The following MYL3 variants were observed in gnomAD, a reference collection of about 807,000 sequenced individuals.
The protein encoded by MYL3 is CMLC1.
In MYL3, 11 loss-of-function variants were observed where a neutral mutation model predicts 21.3. The observed-to-expected ratio is 0.52, with a 90% CI of 0.32 to 0.85. The LOEUF is 0.85. MYL3 is among the 40% of genes least tolerant of loss of function. The pLI, the probability that MYL3 is intolerant of heterozygous loss-of-function variation, is 0.03. For missense variants in MYL3, 206 were observed against 253.3 expected (o/e 0.81, Z 1.27); for synonymous variants, 88 against 91.6 (o/e 0.96, Z 0.22).
Position 46,863,401 on chromosome 3 carries a change from A to C in MYL3, c.-11T>G. The stretch of plus-strand genomic sequence containing the variant: ...CTTTTTGGGGGCCATTGGGGGCTGT[A>C]AGTACAGAGAGGGATGTGGAGAGAA... On this transcript the variant is annotated 5_prime_UTR_variant, in exon 1 of 7. Transcript: ENST00000292327. 6.2e-7 allele frequency: 1 copy of C among 1,612,752 alleles called. No homozygotes were observed. Among genetic ancestry groups the C allele is most frequent in the Non-Finnish European group, 8.5e-7 (1 of 1,179,850 alleles).
At chr3:46,858,578 A>G (rs1021756212) in intron 4 of MYL3, 117 bp from the exon 5 acceptor site, 1 of 980,086 alleles carries the variant, frequency 1.0e-6, no homozygotes, top group African/African-American at 1.6e-5. Context: ...CACAACCAGC[A>G]CTGTTCACAA....
intron 1 of MYL3, among the ~76,000 whole-genome samples, chr3:46,872,201 G>A (rs1338212092): frequency 1.3e-5 from 2 of 152,298 alleles, no homozygotes; most frequent in East Asian, 1.9e-4. Flanking sequence ...GCAGAGGGCT[G>A]GAGCTTGAAG....
Position 46,863,414 on chromosome 3 carries a change from G to A in MYL3, c.-24C>T. ...ATTGGGGGCTGTAAGTACAGAGAGG[G>A]ATGTGGAGAGAAGAATGCAGAAAGC... is the stretch of plus-strand genomic sequence containing the variant. On this transcript the variant is annotated 5_prime_UTR_variant, in exon 1 of 7. Coordinates refer to ENST00000292327, the MANE Select transcript of MYL3 (RefSeq NM_000258.3). 2 of 1,612,342 alleles carry A rather than the reference G, an allele frequency of 1.2e-6. No individual in the cohort carries two copies. The highest frequency in any genetic ancestry group is 1.1e-5 in the South Asian group (1 of 91,064).
upstream of MYL3, chr3:46,863,451 G>A: frequency 6.3e-7 from 1 of 1,590,282 alleles, no homozygotes; most frequent in Non-Finnish European, 8.6e-7. Context: ...GGGTAGGTGA[G>A]CCGCCTCACC....
At chr3:46,878,796 G>A (rs2030384503) in intron 1 of MYL3, among the ~76,000 whole-genome samples, 2 of 152,166 alleles carry the variant, frequency 1.3e-5, no homozygotes, top group African/African-American at 4.8e-5. Context: ...ACCAGCAGGG[G>A]TGGGGCCAGA....
At chr3:46,872,059 C>T (rs545584409) in intron 1 of MYL3, among the ~76,000 whole-genome samples, 27 of 152,252 alleles carry the variant, frequency 1.8e-4, no homozygotes, top group African/African-American at 5.3e-4. Flanking sequence ...CACAGTGGGG[C>T]GAGAGTTCCC....
chr3:46,871,243 C>A (rs974973163), intron 1 of MYL3, among the ~76,000 whole-genome samples: 3 of 152,022 alleles, frequency 2.0e-5, no homozygotes, highest in Admixed American at 2.0e-4. Context: ...CTGCCTGGCA[C>A]GGTAGTGTCC....
At chr3:46,865,475 C>A (rs978463427), upstream of MYL3, among the ~76,000 whole-genome samples, 1 of 152,134 alleles carries the variant, frequency 6.6e-6, no homozygotes, top group African/African-American at 2.4e-5. This position sits in a 1 kb window ranked among gnomAD's most constrained non-coding sequence, Gnocchi z 4.3. Context: ...GGAAGTCACA[C>A]GGGAGCCCCA....
chr3:46,876,008 C>G (rs995839414), intron 1 of MYL3, among the ~76,000 whole-genome samples: 2 of 152,240 alleles, frequency 1.3e-5, no homozygotes, highest in African/African-American at 2.4e-5. Flanking sequence ...CTGGGGCCCA[C>G]AGGAGGAACG....
At chr3:46,870,389 C>A (rs1179095515) in intron 1 of MYL3, among the ~76,000 whole-genome samples, 2 of 151,832 alleles carry the variant, frequency 1.3e-5, no homozygotes, top group African/African-American at 4.8e-5. Flanking sequence ...AGGAGGGTGA[C>A]AAGAAGGCCA....
rs1010857413 is a variant in MYL3 at position 46,858,499 on chromosome 3, C to T, written c.482-38G>A. 4 of 1,602,616 alleles carry T rather than the reference C, an allele frequency of 2.5e-6. No homozygotes were observed. In the South Asian group the frequency reaches 4.4e-5, roughly 18 times the overall value. The stretch of plus-strand genomic sequence containing the variant: ...GGAGGCTGAGTCAGCACCGTGCGTG[C>T]AGAGGCATGATGGGGTGGGGGCACC... On this transcript the variant is annotated intron_variant, in intron 4 of 6. Coordinates refer to ENST00000292327, the MANE Select transcript of MYL3 (RefSeq NM_000258.3).
chr3:46,878,668 C>T (rs1362535694), intron 1 of MYL3, among the ~76,000 whole-genome samples: 2 of 152,152 alleles, frequency 1.3e-5, no homozygotes, highest in Admixed American at 1.3e-4. Flanking sequence ...AGCTGAGCCT[C>T]TTGCCTTGCT....
At chr3:46,870,978 C>T (rs1372906872) in intron 1 of MYL3, among the ~76,000 whole-genome samples, 1 of 152,218 alleles carries the variant, frequency 6.6e-6, no homozygotes, top group African/African-American at 2.4e-5. Flanking sequence ...TCATAGAAAC[C>T]TTTGCATGCA....
chr3:46,868,148 A>G (rs920844175), upstream of MYL3, among the ~76,000 whole-genome samples: 10 of 151,980 alleles, frequency 6.6e-5, no homozygotes, highest in Non-Finnish European at 8.8e-5. Flanking sequence ...GATGGGGCCC[A>G]CCTCCCAGAG....
chr3:46,868,364 CCA>C (rs1442090160), upstream of MYL3, among the ~76,000 whole-genome samples: 1 of 152,198 alleles, frequency 6.6e-6, no homozygotes, highest in Non-Finnish European at 1.5e-5. Context: ...TACCCCCACA[CCA>C]CACACAGACA....
chr3:46,863,422 G>A lies in MYL3; in HGVS notation c.-32C>T. 2.5e-6 allele frequency: 4 copies of A among 1,611,780 alleles called. No individual in the cohort carries two copies. Among genetic ancestry groups the A allele is most frequent in the South Asian group, 2.2e-5 (2 of 91,028 alleles). On this transcript the variant is annotated 5_prime_UTR_variant, in exon 1 of 7. Transcript: ENST00000292327. The stretch of plus-strand genomic sequence containing the variant: ...CTGTAAGTACAGAGAGGGATGTGGA[G>A]AGAAGAATGCAGAAAGCAGGGTAGG...
Position 46,861,276 on chromosome 3 carries a change from C to G in MYL3, c.130-289G>C, listed in dbSNP as rs1701989431. Among the ~76,000 whole-genome samples, 1 of 152,230 alleles carries G rather than the reference C, an allele frequency of 6.6e-6. No individual in the cohort carries two copies. Among genetic ancestry groups the G allele is most frequent in the Non-Finnish European group, 1.5e-5 (1 of 68,040 alleles). ...AGGAGGGAGGCCACATGCCCAAGGC[C>G]TCAGGCCAGCGTGGGCCTTACCTGA... is the stretch of plus-strand genomic sequence containing the variant. On this transcript the variant is annotated intron_variant, in intron 1 of 6. Transcript: ENST00000292327. This position sits in a 1 kb window ranked among gnomAD's most constrained non-coding sequence, Gnocchi z 4.2.
chr3:46,858,324 G>A (rs1575497372), intron 5 of MYL3, 52 bp from the exon 6 acceptor site: 1 of 1,614,062 alleles, frequency 6.2e-7, no homozygotes, highest in East Asian at 2.2e-5. Context: ...GGAAGCCATG[G>A]CTGGGAGCCT....
In MYL3 at chr3:46,858,015, C is replaced by G; in HGVS notation, c.*100G>C. On this transcript the variant is annotated 3_prime_UTR_variant, in exon 7 of 7. Transcript: ENST00000292327. ...GGTTTTTGCAGGAGTCTTGGTAAGG[C>G]TCCCCTCCTTCCCACGACTCCAGGC... is the stretch of plus-strand genomic sequence containing the variant. 3.2e-6 allele frequency: 2 copies of G among 621,474 alleles called. No individual in the cohort carries two copies. The highest frequency in any genetic ancestry group is 5.7e-6 in the Non-Finnish European group (2 of 349,132). 38.5% of individuals were successfully genotyped at this position (621,474 alleles called of 1,614,324 possible).
Sources: allele counts gnomAD v4.1 joint callset (sites outside exome capture counted in the v4.1 genomes callset), GRCh38; gene constraint gnomAD v4.1.1; non-coding constraint Gnocchi (gnomAD v3.1); transcripts MANE v1.5; gene names NCBI Gene and HGNC (gene_info 2026-07-23, HGNC 2026-07-21).